Variants in PLEKHA8 observed in about 807,000 individuals in gnomAD.
PLEKHA8 encodes pleckstrin homology domain containing A8.
A neutral mutation model predicts 68.2 loss-of-function variants in PLEKHA8; 36 were observed. The observed-to-expected ratio is 0.53, with a 90% confidence interval of 0.40 to 0.70. PLEKHA8 has a LOEUF of 0.70. PLEKHA8 is among the 30% of genes least tolerant of loss of function. The probability of loss-of-function intolerance (pLI) is 0.00; values close to 1 mark genes in which losing one functional copy is unlikely to be tolerated. For synonymous variants in PLEKHA8, 211 were observed against 216.1 expected, an observed-to-expected ratio of 0.98 and a Z score of 0.20; for missense variants, 505 against 615.4, an observed-to-expected ratio of 0.82 and a Z score of 1.90.
At chr7:30,032,295 C>T (rs995471840) in intron 1 of PLEKHA8, among the ~76,000 whole-genome samples, 5 of 152,168 alleles carry the variant, frequency 3.3e-5, no homozygotes, top group Admixed American at 2.0e-4. Flanking sequence ...CTATTACTGC[C>T]AACTGCAGGG....
rs56796780 is a variant in PLEKHA8, at chr7:30,034,010, C to CTTTTTTTTTT, written c.40+5231_40+5240dup. Reference sequence around the variant, plus strand: ...TTCATTACAGAGTTGTAAGAGGTTTCTTTTTTTTTTTTTTTTTTTTTTTTT... The same window carrying CTTTTTTTTTT: ...TTCATTACAGAGTTGTAAGAGGTTTCTTTTTTTTTTTTTTTTTTTTTTTTTTTTTTTTTTT... On this transcript the variant is annotated intron_variant, in intron 1 of 13. Transcript: ENST00000449726. 1.7e-4 allele frequency among the ~76,000 whole-genome samples: 6 copies of CTTTTTTTTTT among 34,632 alleles called. 2 individuals carry two copies. The highest frequency in any genetic ancestry group is 7.6e-4 in the African/African-American group (6 of 7,870). The allele number at this position is 34,632 out of a possible 152,430, so 22.7% of individuals were successfully genotyped here. A position where few individuals can be genotyped will look rare whatever the true frequency, so the allele number is the denominator to read the frequency against.
intron 13 of PLEKHA8, among the ~76,000 whole-genome samples, chr7:30,115,525 C>CAT (rs1718100677): frequency 1.1e-5 from 1 of 89,922 alleles, no homozygotes; most frequent in Non-Finnish European, 2.8e-5. Flanking sequence ...TACACGTATA[C>CAT]ATGTAGACAT....
chr7:30,044,787 A>G (rs895625137), intron 1 of PLEKHA8, among the ~76,000 whole-genome samples: 2 of 152,226 alleles, frequency 1.3e-5, no homozygotes, highest in East Asian at 3.8e-4. Flanking sequence ...TACACATCTC[A>G]TTTATTTCTG....
chr7:30,030,978 T>G (rs1012776597), intron 1 of PLEKHA8, among the ~76,000 whole-genome samples: 3 of 152,240 alleles, frequency 2.0e-5, no homozygotes, highest in Non-Finnish European at 4.4e-5. Flanking sequence ...TCATTCTGAA[T>G]TTTTCTCCAA....
At position 30,061,045 on chromosome 7, in the gene PLEKHA8, A is replaced by T. The variant is rs1025212232; in HGVS notation, c.1098+103A>T. 1.1e-5 allele frequency: 12 copies of T among 1,094,950 alleles called. No homozygotes were observed. The African/African-American group carries it at 1.6e-4, about 15-fold the overall frequency. 67.8% of individuals were successfully genotyped at this position (1,094,950 alleles called of 1,614,324 possible). On this transcript the variant is annotated intron_variant, in intron 10 of 13. Coordinates refer to ENST00000449726, the MANE Select transcript of PLEKHA8 (RefSeq NM_001197026.2). Reference sequence around the variant, plus strand: ...TAAATCAAAAAGTGAAAAATGTGTCACTGTTCTTTTAAGAGAGCAAGCATC... The same window carrying T: ...TAAATCAAAAAGTGAAAAATGTGTCTCTGTTCTTTTAAGAGAGCAAGCATC...
At chr7:30,066,510 T>C (rs1793857071) in intron 12 of PLEKHA8, among the ~76,000 whole-genome samples, 1 of 152,228 alleles carries the variant, frequency 6.6e-6, no homozygotes, top group African/African-American at 2.4e-5. Context: ...TAAGAGCTGC[T>C]GTGTTCCCTT....
chr7:30,116,324 A>G (rs1562559578), intron 13 of PLEKHA8, among the ~76,000 whole-genome samples: 2 of 151,226 alleles, frequency 1.3e-5, no homozygotes, highest in African/African-American at 4.9e-5. Context: ...ACATACACAT[A>G]TGTGTGTATG....
chr7:30,033,567 TTTTG>T (rs1790821394), intron 1 of PLEKHA8, among the ~76,000 whole-genome samples: 1 of 152,218 alleles, frequency 6.6e-6, no homozygotes, highest in African/African-American at 2.4e-5. Flanking sequence ...TTCTTTTTGT[TTTTG>T]TTTTTCTTGG....
In PLEKHA8 at chr7:30,060,937, A is replaced by T; in HGVS notation, c.1093A>T (p.Ile365Phe). 6.2e-7 allele frequency: 1 copy of T among 1,613,366 alleles called. No individual in the cohort carries two copies. The highest frequency in any genetic ancestry group is 8.5e-7 in the Non-Finnish European group (1 of 1,179,578). Residue 365 changes from isoleucine to phenylalanine, a missense_variant, in exon 10 of 14, where the codon ATT (isoleucine) becomes TTT (phenylalanine). Ile to Phe is a conservative substitution (Grantham distance 21). Coordinates refer to ENST00000449726, the MANE Select transcript of PLEKHA8 (RefSeq NM_001197026.2). ...APVKMDLVGN[I>F]KKVNQKYITN... ...TGTTAAGATGGATCTTGTTGGAAATATTAAGGTGAGCATACTGGTTTGTCT... is the reference window on the plus strand; with the variant it reads ...TGTTAAGATGGATCTTGTTGGAAATTTTAAGGTGAGCATACTGGTTTGTCT...
At chr7:30,084,848 A>C (rs1795111585), downstream of PLEKHA8, among the ~76,000 whole-genome samples, 1 of 152,112 alleles carries the variant, frequency 6.6e-6, no homozygotes, top group African/African-American at 2.4e-5. Context: ...ACTGAGGCAT[A>C]TATTGAGGAA....
chr7:30,059,276 T>G (rs62446688), intron 9 of PLEKHA8, among the ~76,000 whole-genome samples: 25,330 of 152,252 alleles, frequency 0.17, 2,214 homozygotes, highest in African/African-American at 0.22. Flanking sequence ...ATTTTTTTAT[T>G]CTGTTGTAAA....
chr7:30,070,814 G>T (rs922476918), intron 12 of PLEKHA8, among the ~76,000 whole-genome samples: 11 of 152,172 alleles, frequency 7.2e-5, no homozygotes, highest in African/African-American at 2.7e-4. Flanking sequence ...AAAGTGCTGG[G>T]ATTATAGGCG....
chr7:30,084,224 A>T lies in PLEKHA8; in HGVS notation c.*5437A>T. 1 of 985,290 alleles carries T rather than the reference A, an allele frequency of 1.0e-6. No homozygotes were observed. The highest frequency in any genetic ancestry group is 1.7e-5 in the African/African-American group (1 of 57,352). 61.0% of individuals were successfully genotyped at this position (985,290 alleles called of 1,614,324 possible). A position where few individuals can be genotyped will look rare whatever the true frequency, so the allele number is the denominator to read the frequency against. ...CTAAAATGTACATAGATTTCCTTGGATTAATTTTTAAGTCACTGTTTAATT... is the reference window on the plus strand; with the variant it reads ...CTAAAATGTACATAGATTTCCTTGGTTTAATTTTTAAGTCACTGTTTAATT... On this transcript the variant is annotated 3_prime_UTR_variant, in exon 14 of 14. Coordinates refer to ENST00000449726, the MANE Select transcript of PLEKHA8 (RefSeq NM_001197026.2).
chr7:30,085,335 T>C (rs1480282633), downstream of PLEKHA8, among the ~76,000 whole-genome samples: 1 of 152,210 alleles, frequency 6.6e-6, no homozygotes, highest in Non-Finnish European at 1.5e-5. Flanking sequence ...CTGGGTGTTT[T>C]AAGCATTCGA....
At chr7:30,116,305 T>G (rs1583488474) in intron 13 of PLEKHA8, among the ~76,000 whole-genome samples, 1 of 151,946 alleles carries the variant, frequency 6.6e-6, no homozygotes, top group African/African-American at 2.4e-5. Flanking sequence ...CATACATGTA[T>G]ACATATATAC....
intron 9 of PLEKHA8, among the ~76,000 whole-genome samples, chr7:30,059,827 A>G (rs892748342): frequency 2.7e-5 from 4 of 148,104 alleles, no homozygotes; most frequent in African/African-American, 1.0e-4. Context: ...TAGTAAACAC[A>G]AATTAATTTT....
intron 1 of PLEKHA8, among the ~76,000 whole-genome samples, chr7:30,035,973 A>G (rs908668266): frequency 2.9e-4 from 44 of 151,262 alleles, no homozygotes; most frequent in Admixed American, 3.9e-4. Flanking sequence ...ATTCCATTGT[A>G]GACCAGGCAT....
intron 1 of PLEKHA8, among the ~76,000 whole-genome samples, chr7:30,044,704 GA>G (rs1791812601): frequency 6.6e-6 from 1 of 152,118 alleles, no homozygotes; most frequent in African/African-American, 2.4e-5. Flanking sequence ...GTATGTTCAG[GA>G]CATCCTAATT....
chr7:30,058,407 C>G (rs183689432), intron 9 of PLEKHA8, among the ~76,000 whole-genome samples: 6 of 150,886 alleles, frequency 4.0e-5, no homozygotes, highest in Admixed American at 3.3e-4. Flanking sequence ...CTAACTTTTA[C>G]ATTTGTGCCT....
Sources: gnomAD v4.1 joint callset for allele counts (sites outside exome capture counted in the v4.1 genomes callset) on GRCh38, gnomAD v4.1.1 for gene constraint, MANE v1.5 for transcripts, NCBI Gene and HGNC (gene_info 2026-07-23, HGNC 2026-07-21) for gene names.